CRPPA: variants seen among roughly 807,000 people sequenced by gnomAD.
CRPPA encodes D-ribitol-5-phosphate cytidylyltransferase.
CRPPA carries 43 observed loss-of-function variants against 52.0 expected under a neutral mutation model. The ratio of observed to expected loss-of-function variants is 0.83; its 90% confidence interval spans 0.65 to 1.07. CRPPA has a LOEUF of 1.07. Ranked by LOEUF, CRPPA falls within the 50% of genes least tolerant of loss-of-function variation. The probability of loss-of-function intolerance (pLI) is 0.00; values close to 1 mark genes in which losing one functional copy is unlikely to be tolerated. For synonymous variants in CRPPA, 250 were observed against 203.5 expected (o/e 1.23, Z -1.94); for missense variants, 629 against 551.7 (o/e 1.14, Z -1.40).
chr7:16,410,866 G>C (rs1788062970), intron 1 of CRPPA, among the ~76,000 whole-genome samples: 1 of 152,126 alleles, frequency 6.6e-6, no homozygotes, highest in Non-Finnish European at 1.5e-5. Flanking sequence ...ATACTCATCA[G>C]TTCTGACTTC....
chr7:16,162,523 T>C (rs1056582323), intron 9 of CRPPA, among the ~76,000 whole-genome samples: 2 of 152,234 alleles, frequency 1.3e-5, no homozygotes, highest in African/African-American at 4.8e-5. Context: ...CTAATTTGAT[T>C]GCACTGTGGT....
intron 9 of CRPPA, among the ~76,000 whole-genome samples, chr7:16,098,396 A>C (rs933258290): frequency 6.6e-5 from 10 of 152,250 alleles, no homozygotes; most frequent in Non-Finnish European, 1.5e-4. Flanking sequence ...ACATTGTCTC[A>C]GCAAATTCCA....
chr7:16,241,973 G>GC (rs1249826023), intron 8 of CRPPA, among the ~76,000 whole-genome samples: 1 of 106,580 alleles, frequency 9.4e-6, no homozygotes, highest in Non-Finnish European at 1.8e-5. Context: ...TTTTTTGTTG[G>GC]GGGGAGATAG....
intron 3 of CRPPA, among the ~76,000 whole-genome samples, chr7:16,332,548 T>C (rs1344349373): frequency 6.6e-6 from 1 of 152,170 alleles, no homozygotes; most frequent in Non-Finnish European, 1.5e-5. Context: ...TATTTTCTTA[T>C]AAAGTACTCA....
intron 3 of CRPPA, among the ~76,000 whole-genome samples, chr7:16,354,100 T>C (rs1051455707): frequency 1.3e-5 from 2 of 152,154 alleles, no homozygotes; most frequent in African/African-American, 4.8e-5. Context: ...TGAGTTCAGT[T>C]TTTAAAATGT....
At chr7:16,303,367 G>C (rs769028286) in intron 4 of CRPPA, among the ~76,000 whole-genome samples, 1 of 150,384 alleles carries the variant, frequency 6.6e-6, no homozygotes, top group African/African-American at 2.5e-5. Flanking sequence ...CTAATCTGGA[G>C]GATAAAAATT....
intron 8 of CRPPA, among the ~76,000 whole-genome samples, chr7:16,227,112 G>A (rs369089431): frequency 6.6e-6 from 1 of 151,768 alleles, no homozygotes; most frequent in Non-Finnish European, 1.5e-5. Context: ...AATTGTGTTT[G>A]TATCACATTT....
chr7:16,170,871 G>A (rs1378312914), intron 9 of CRPPA, among the ~76,000 whole-genome samples: 26 of 152,210 alleles, frequency 1.7e-4, no homozygotes, highest in Admixed American at 1.7e-3. Context: ...CGAGTGTGGG[G>A]GTCCCTTCAG....
rs75172500 is a variant in CRPPA, at chr7:16,303,053, A to G, written c.790-1587T>C. ...CATTTTCCAGTCATACTGCTTTTGA[A>G]GTACGTTAGCTATGTAGGAAAAAAA... is the stretch of plus-strand genomic sequence containing the variant. On this transcript the variant is annotated intron_variant, in intron 4 of 9. Transcript: ENST00000407010. Among the ~76,000 whole-genome samples, 695 of 152,312 alleles carry G rather than the reference A, an allele frequency of 4.6e-3. 7 individuals are homozygous for G. The highest frequency in any genetic ancestry group is 0.016 in the African/African-American group (671 of 41,570).
intron 1 of CRPPA, among the ~76,000 whole-genome samples, chr7:16,417,173 G>A (rs1788214735): frequency 6.6e-6 from 1 of 152,120 alleles, no homozygotes; most frequent in South Asian, 2.1e-4. Flanking sequence ...GAGAAAAGGG[G>A]AACACTTATA....
chr7:16,396,923 T>C (rs1036383177), intron 2 of CRPPA, among the ~76,000 whole-genome samples: 1 of 152,058 alleles, frequency 6.6e-6, no homozygotes, highest in African/African-American at 2.4e-5. Flanking sequence ...AAATGTGACA[T>C]GTGTAATGAA....
At chr7:16,397,906 G>C (rs920050597) in intron 2 of CRPPA, among the ~76,000 whole-genome samples, 11 of 152,134 alleles carry the variant, frequency 7.2e-5, no homozygotes, top group Non-Finnish European at 1.5e-4. Context: ...AAGCATGTTT[G>C]ACGTGACCAA....
chr7:16,245,818 G>A (rs138260004), intron 8 of CRPPA, among the ~76,000 whole-genome samples: 180 of 152,130 alleles, frequency 1.2e-3, no homozygotes, highest in African/African-American at 3.6e-3. Flanking sequence ...CATCCGTTAC[G>A]TGCACAATAG....
chr7:16,321,817 C>A (rs962203156), intron 3 of CRPPA, among the ~76,000 whole-genome samples: 12 of 152,122 alleles, frequency 7.9e-5, no homozygotes, highest in Non-Finnish European at 1.6e-4. Context: ...AACTGGAAAA[C>A]TGAGGAACGT....
At chr7:16,183,444 A>C (rs975089618) in intron 9 of CRPPA, among the ~76,000 whole-genome samples, 1 of 152,140 alleles carries the variant, frequency 6.6e-6, no homozygotes. Context: ...CAGAGATGGA[A>C]AGCCTGAGAA....
chr7:16,406,435 G>A (rs1202027345), intron 1 of CRPPA, 98 bp from the exon 2 acceptor site: 26 of 1,068,484 alleles, frequency 2.4e-5, no homozygotes, highest in South Asian at 3.3e-5. Context: ...ATTTAAATAG[G>A]GAGATTAAAA....
At chr7:16,247,028 T>C (rs531278215) in intron 8 of CRPPA, among the ~76,000 whole-genome samples, 1 of 152,386 alleles carries the variant, frequency 6.6e-6, no homozygotes, top group South Asian at 2.1e-4. Flanking sequence ...CTGTCTCATC[T>C]ACATTGAAAA....
chr7:16,157,849 C>T (rs1783215968), intron 9 of CRPPA, among the ~76,000 whole-genome samples: 1 of 151,806 alleles, frequency 6.6e-6, no homozygotes, highest in Non-Finnish European at 1.5e-5. Context: ...CTCTGATTTC[C>T]CTTTTTCTAA....
chr7:16,322,128 C>T (rs1004460875), intron 3 of CRPPA, among the ~76,000 whole-genome samples: 6 of 151,974 alleles, frequency 3.9e-5, no homozygotes, highest in Non-Finnish European at 8.8e-5. Flanking sequence ...TACAATAGCC[C>T]TAGGAAACTA....
Sources: gnomAD v4.1 joint callset for allele counts (sites outside exome capture counted in the v4.1 genomes callset) on GRCh38, gnomAD v4.1.1 for gene constraint, MANE v1.5 for transcripts, NCBI Gene and HGNC (gene_info 2026-07-23, HGNC 2026-07-21) for gene names.